The following FUT9 variants were observed in gnomAD, a reference collection of about 807,000 sequenced individuals.
FUT9 encodes 4-galactosyl-N-acetylglucosaminide 3-alpha-L-fucosyltransferase 9.
Under a neutral mutation model 29.7 loss-of-function variants are expected in FUT9, and 15 were observed. The ratio of observed to expected loss-of-function variants is 0.51; its 90% CI spans 0.34 to 0.78. The LOEUF is 0.78. Ranked by LOEUF, FUT9 falls within the 30% of genes least tolerant of loss-of-function variation. The probability of loss-of-function intolerance (pLI) is 0.01; values close to 1 mark genes in which losing one functional copy is unlikely to be tolerated. For synonymous variants in FUT9, 169 were observed against 153.7 expected (o/e 1.10, Z -0.74); for missense variants, 319 against 425.4 (o/e 0.75, Z 2.20).
At chr6:96,079,659 G>A (rs780366693) in intron 1 of FUT9, among the ~76,000 whole-genome samples, 4 of 151,936 alleles carry the variant, frequency 2.6e-5, no homozygotes, top group Non-Finnish European at 1.5e-5. Flanking sequence ...AGGACATTTA[G>A]GATAATAATC....
chr6:96,140,043 C>A (rs13215767), intron 2 of FUT9, among the ~76,000 whole-genome samples: 26,484 of 152,168 alleles, frequency 0.17, 2,695 homozygotes, highest in East Asian at 0.31. Flanking sequence ...CTTTTATACT[C>A]TACTTCCTCT....
chr6:96,058,725 A>T (rs1204468218), intron 1 of FUT9, among the ~76,000 whole-genome samples: 2 of 152,200 alleles, frequency 1.3e-5, no homozygotes, highest in South Asian at 2.1e-4. Context: ...TTACTTGGAA[A>T]AGACAAATTA....
At chr6:96,035,361 C>A (rs1414463352) in intron 1 of FUT9, among the ~76,000 whole-genome samples, 1 of 151,270 alleles carries the variant, frequency 6.6e-6, no homozygotes. Flanking sequence ...TCCCCTGTTT[C>A]TTTTCTTGGA....
Position 96,208,361 on chromosome 6 carries a change from T to C in FUT9, c.*4126T>C, listed in dbSNP as rs1773873789. 6.0e-6 allele frequency: 1 copy of C among 166,848 alleles called. No individual in the cohort carries two copies. The highest frequency in any genetic ancestry group is 2.4e-5 in the African/African-American group (1 of 41,428). 10.3% of individuals were successfully genotyped at this position (166,848 alleles called of 1,614,324 possible). ...ATCATATCTTTGAGTTCCCTTGAAC[T>C]CTGATCTCATTTTGAGAAACATTTT... On this transcript the variant is annotated 3_prime_UTR_variant, in exon 3 of 3. Coordinates refer to ENST00000302103, the MANE Select transcript of FUT9 (RefSeq NM_006581.4).
intron 2 of FUT9, among the ~76,000 whole-genome samples, chr6:96,145,813 G>C (rs576731688): frequency 6.6e-6 from 1 of 152,186 alleles, no homozygotes; most frequent in Non-Finnish European, 1.5e-5. Flanking sequence ...ACAGGTTGTA[G>C]GTCACGAGGT....
Position 96,055,309 on chromosome 6 carries a change from A to T in FUT9, c.-98+39097A>T, listed in dbSNP as rs551605631. 3.1e-4 allele frequency among the ~76,000 whole-genome samples: 47 copies of T among 152,116 alleles called. No individual in the cohort carries two copies. The South Asian group carries it at 9.8e-3, about 32-fold the overall frequency. ...GCTCAGTAATTTATGAATACATGTG[A>T]CTATACTTTTAATTTTTATTTGACC... is the stretch of plus-strand genomic sequence containing the variant. On this transcript the variant is annotated intron_variant, in intron 1 of 2. Transcript: ENST00000302103.
At chr6:96,101,713 G>A (rs1419864967) in intron 1 of FUT9, among the ~76,000 whole-genome samples, 3 of 151,862 alleles carry the variant, frequency 2.0e-5, no homozygotes, top group South Asian at 2.1e-4. Context: ...GAGTGCAGTG[G>A]TGCAATCACA....
chr6:96,137,414 A>G (rs900237934), intron 2 of FUT9, among the ~76,000 whole-genome samples: 2 of 152,094 alleles, frequency 1.3e-5, no homozygotes, highest in African/African-American at 2.4e-5. Flanking sequence ...AAGAATTCCC[A>G]ACAAGTTATG....
chr6:96,156,275 T>A (rs1303030381), intron 2 of FUT9, among the ~76,000 whole-genome samples: 4 of 152,222 alleles, frequency 2.6e-5, no homozygotes, highest in African/African-American at 9.6e-5. Flanking sequence ...TTGGTGTTTA[T>A]GAACACAACT....
At chr6:96,089,175 C>T (rs1771370829) in intron 1 of FUT9, among the ~76,000 whole-genome samples, 1 of 152,132 alleles carries the variant, frequency 6.6e-6, no homozygotes, top group Non-Finnish European at 1.5e-5. Context: ...AGTTTTGTTT[C>T]ATCATGGTTA....
At chr6:96,130,912 C>A (rs2127969102) in intron 2 of FUT9, among the ~76,000 whole-genome samples, 1 of 152,242 alleles carries the variant, frequency 6.6e-6, no homozygotes, top group South Asian at 2.1e-4. Flanking sequence ...TTTAGAAATT[C>A]TTCAAAATTT....
chr6:96,161,810 A>C (rs542736934), intron 2 of FUT9, among the ~76,000 whole-genome samples: 2 of 152,348 alleles, frequency 1.3e-5, no homozygotes, highest in South Asian at 4.1e-4. Flanking sequence ...CATCCACTTC[A>C]CTTTGCCTTT....
chr6:96,108,760 C>T (rs183788602), intron 1 of FUT9, among the ~76,000 whole-genome samples: 17 of 152,254 alleles, frequency 1.1e-4, no homozygotes, highest in Admixed American at 1.1e-3. Flanking sequence ...AACCTATTTT[C>T]CATTAAGCTT....
intron 2 of FUT9, among the ~76,000 whole-genome samples, chr6:96,195,125 C>T (rs1426790226): frequency 2.6e-5 from 4 of 152,002 alleles, no homozygotes; most frequent in Non-Finnish European, 4.4e-5. Flanking sequence ...ATTTGCAGTA[C>T]AGGAAAAGCG....
At chr6:96,042,202 C>G (rs1770473963) in intron 1 of FUT9, among the ~76,000 whole-genome samples, 1 of 152,134 alleles carries the variant, frequency 6.6e-6, no homozygotes, top group Non-Finnish European at 1.5e-5. Context: ...ATGGTTATGT[C>G]TATAGGGGCA....
chr6:96,118,961 A>G (rs1771968113), intron 2 of FUT9, among the ~76,000 whole-genome samples: 1 of 152,204 alleles, frequency 6.6e-6, no homozygotes, highest in African/African-American at 2.4e-5. Flanking sequence ...ACAGCTATAC[A>G]ATGTGTTTGT....
Position 96,207,064 on chromosome 6 carries a change from A to G in FUT9, c.*2829A>G, listed in dbSNP as rs1441251397. On this transcript the variant is annotated 3_prime_UTR_variant, in exon 3 of 3. Transcript: ENST00000302103. Reference sequence around the variant, plus strand: ...GTGGAAGAATTAAATGACTCAATGGAACCCTTTAGCTGTGGGTCCATTGAT... The same window carrying G: ...GTGGAAGAATTAAATGACTCAATGGGACCCTTTAGCTGTGGGTCCATTGAT... 6.0e-6 allele frequency: 1 copy of G among 166,996 alleles called. No individual in the cohort carries two copies. Among genetic ancestry groups the G allele is most frequent in the East Asian group, 1.9e-4 (1 of 5,202 alleles). The allele number at this position is 166,996 out of a possible 1,614,324, so 10.3% of individuals were successfully genotyped here.
At chr6:96,172,300 A>G (rs916839203) in intron 2 of FUT9, among the ~76,000 whole-genome samples, 1 of 152,212 alleles carries the variant, frequency 6.6e-6, no homozygotes, top group Non-Finnish European at 1.5e-5. Context: ...CATTCAGTCC[A>G]TTGTAATCTG....
intron 1 of FUT9, among the ~76,000 whole-genome samples, chr6:96,087,644 CG>C (rs1382814674): frequency 6.6e-6 from 1 of 152,108 alleles, no homozygotes; most frequent in Non-Finnish European, 1.5e-5. Flanking sequence ...GAATTACATG[CG>C]TGAGCCACCA....
Sources: gnomAD v4.1 joint callset for allele counts (sites outside exome capture counted in the v4.1 genomes callset) on GRCh38, gnomAD v4.1.1 for gene constraint, MANE v1.5 for transcripts, NCBI Gene and HGNC (gene_info 2026-07-23, HGNC 2026-07-21) for gene names.